SERGEF: variants seen among roughly 807,000 people sequenced by gnomAD.
SERGEF encodes the protein secretion regulating guanine nucleotide exchange factor, also known as secretion-regulating guanine nucleotide exchange factor.
A neutral mutation model predicts 50.0 loss-of-function variants in SERGEF; 51 were observed. That is an observed-to-expected ratio of 1.02 (90% CI 0.81 to 1.29). The LOEUF (loss-of-function observed/expected upper bound fraction) is 1.29, where lower values mean the gene tolerates loss of function less well. Ranked by LOEUF, SERGEF falls within the 50% of genes most tolerant of loss-of-function variation. The probability of loss-of-function intolerance (pLI) is 0.00; values close to 1 mark genes in which losing one functional copy is unlikely to be tolerated. For synonymous variants in SERGEF, 205 were observed against 212.4 expected (o/e 0.97, Z 0.30); for missense variants, 521 against 557.0 (o/e 0.94, Z 0.65).
intron 9 of SERGEF, among the ~76,000 whole-genome samples, chr11:17,933,034 T>G (rs1852384432): frequency 6.6e-6 from 1 of 152,188 alleles, no homozygotes; most frequent in Non-Finnish European, 1.5e-5. Flanking sequence ...TGAAACTCAA[T>G]GTCAAGTTAG....
chr11:17,806,277 A>G (rs1849756990), intron 10 of SERGEF, among the ~76,000 whole-genome samples: 2 of 152,244 alleles, frequency 1.3e-5, no homozygotes, highest in South Asian at 4.1e-4. Flanking sequence ...ATGCAAGGAA[A>G]GAGAAGGAGG....
rs555305211 is a variant in SERGEF at position 17,903,857 on chromosome 11, G to A, written c.1012-25613C>T. On this transcript the variant is annotated intron_variant, in intron 9 of 10. Coordinates refer to ENST00000265965, the MANE Select transcript of SERGEF (RefSeq NM_012139.4). ...CATTAATGTAGGGAAGAGGACAGCCGTGGAGAAAAAGGGAAAGGGGAGTCT... is the reference window on the plus strand; with the variant it reads ...CATTAATGTAGGGAAGAGGACAGCCATGGAGAAAAAGGGAAAGGGGAGTCT... 1.6e-3 allele frequency among the ~76,000 whole-genome samples: 249 copies of A among 152,306 alleles called. 5 individuals carry two copies. The highest frequency in any genetic ancestry group is 0.015 in the Admixed American group (227 of 15,308).
intron 9 of SERGEF, chr11:17,918,815 C>G: frequency 2.5e-6 from 1 of 395,808 alleles, no homozygotes; most frequent in Non-Finnish European, 5.0e-6. Context: ...AGGCAAAAAG[C>G]ACTCCTGGCA....
At chr11:17,986,736 T>G (rs138586911) in intron 8 of SERGEF, among the ~76,000 whole-genome samples, 9 of 152,392 alleles carry the variant, frequency 5.9e-5, no homozygotes, top group Non-Finnish European at 1.0e-4. Context: ...TTTAATGTAC[T>G]GCAATTCTTG....
chr11:17,829,422 A>C (rs1387725398), intron 10 of SERGEF, among the ~76,000 whole-genome samples: 2 of 152,240 alleles, frequency 1.3e-5, no homozygotes, highest in African/African-American at 4.8e-5. Context: ...GAAAAGAAGA[A>C]CATGAACAGT....
At chr11:17,860,248 A>C (rs1850902880) in intron 10 of SERGEF, among the ~76,000 whole-genome samples, 1 of 152,224 alleles carries the variant, frequency 6.6e-6, no homozygotes, top group Non-Finnish European at 1.5e-5. Context: ...AGGGGAAAAT[A>C]AACAGGCAAG....
intron 9 of SERGEF, among the ~76,000 whole-genome samples, chr11:17,890,386 G>A (rs951689337): frequency 7.9e-5 from 12 of 152,162 alleles, no homozygotes; most frequent in East Asian, 1.9e-4. Context: ...AGACGCTGGC[G>A]TGAACTCATT....
intron 10 of SERGEF, among the ~76,000 whole-genome samples, chr11:17,809,182 T>C (rs187485735): frequency 6.0e-4 from 91 of 152,098 alleles, no homozygotes; most frequent in Non-Finnish European, 9.9e-4. Flanking sequence ...GCATTCTAAG[T>C]AGATAGAACA....
intron 8 of SERGEF, among the ~76,000 whole-genome samples, chr11:17,987,578 A>G (rs1310385272): frequency 6.6e-6 from 1 of 152,222 alleles, no homozygotes; most frequent in Non-Finnish European, 1.5e-5. Flanking sequence ...AGTTTATTAT[A>G]CACCTTTGTT....
intron 9 of SERGEF, among the ~76,000 whole-genome samples, chr11:17,892,614 A>G (rs1194511274): frequency 6.6e-6 from 1 of 152,240 alleles, no homozygotes; most frequent in Non-Finnish European, 1.5e-5. Flanking sequence ...TTTATTACGT[A>G]ACATTACTGT....
chr11:17,925,070 G>GT (rs1223341504), intron 9 of SERGEF, among the ~76,000 whole-genome samples: 1 of 151,726 alleles, frequency 6.6e-6, no homozygotes, highest in Non-Finnish European at 1.5e-5. Context: ...TTTTTCTTTT[G>GT]TTTTTTAAGC....
chr11:17,901,689 T>C (rs1054738640), intron 9 of SERGEF, among the ~76,000 whole-genome samples: 7 of 152,204 alleles, frequency 4.6e-5, no homozygotes, highest in Non-Finnish European at 8.8e-5. Context: ...CTCCATGAAG[T>C]CTTTCCTAAT....
At chr11:17,804,733 C>G (rs1849727604) in intron 10 of SERGEF, among the ~76,000 whole-genome samples, 1 of 152,192 alleles carries the variant, frequency 6.6e-6, no homozygotes, top group Admixed American at 6.5e-5. Context: ...ATGCCAACAA[C>G]TATTATTATT....
chr11:17,800,511 T>C (rs1176087300), intron 10 of SERGEF, among the ~76,000 whole-genome samples: 3 of 152,070 alleles, frequency 2.0e-5, no homozygotes, highest in South Asian at 4.2e-4. Context: ...AGTTATAGAG[T>C]GCCAATAATA....
chr11:17,890,839 CA>C (rs1418445380), intron 9 of SERGEF, among the ~76,000 whole-genome samples: 1 of 151,334 alleles, frequency 6.6e-6, no homozygotes, highest in Non-Finnish European at 1.5e-5. Flanking sequence ...TGTCAGAGAG[CA>C]AAAAAAAGTG....
At chr11:17,998,436 CATACATATATAT>C (rs1555021757) in intron 5 of SERGEF, among the ~76,000 whole-genome samples, 1,852 of 45,554 alleles carry the variant, frequency 0.041, 33 homozygotes, top group African/African-American at 0.078. Flanking sequence ...TACATACATA[CATACATATATAT>C]ATATATATAT....
rs531282965 is a variant in SERGEF, at chr11:17,891,918, G to A, written c.1012-13674C>T. ...TTTTCCTAAGCCACCACCTTCTTTG[G>A]TCTCCTTGTCTATCTTTTAGGATCT... On this transcript the variant is annotated intron_variant, in intron 9 of 10. Transcript: ENST00000265965. Among the ~76,000 whole-genome samples, 262 of 152,196 alleles carry A rather than the reference G, an allele frequency of 1.7e-3. 3 individuals are homozygous for A. Among genetic ancestry groups the A allele is most frequent in the African/African-American group, 4.7e-3 (195 of 41,528 alleles).
chr11:17,808,375 G>A (rs1173498301), intron 10 of SERGEF, among the ~76,000 whole-genome samples: 1 of 152,184 alleles, frequency 6.6e-6, no homozygotes. Flanking sequence ...GGCAAAGGGG[G>A]AGCAGGCACA....
chr11:17,823,641 G>A (rs1056706203), intron 10 of SERGEF, among the ~76,000 whole-genome samples: 7 of 152,164 alleles, frequency 4.6e-5, no homozygotes, highest in Non-Finnish European at 2.9e-5. Flanking sequence ...GTGCCCTACA[G>A]TCAAGCACGG....
Sources: gnomAD v4.1 joint callset for allele counts (sites outside exome capture counted in the v4.1 genomes callset) on GRCh38, gnomAD v4.1.1 for gene constraint, MANE v1.5 for transcripts, NCBI Gene and HGNC (gene_info 2026-07-23, HGNC 2026-07-21) for gene names.